Variants in ANKRD36 observed in about 807,000 individuals in gnomAD.
ANKRD36 encodes the protein ankyrin repeat domain 36, also known as ankyrin repeat domain-containing protein 36A.
A neutral mutation model predicts 278.1 loss-of-function variants in ANKRD36; 179 were observed. The observed-to-expected ratio is 0.64, with a 90% CI of 0.57 to 0.73. The LOEUF (loss-of-function observed/expected upper bound fraction) is 0.73. Among genes scored for constraint, ANKRD36 ranks in the 30% least tolerant of loss-of-function variants. The probability of loss-of-function intolerance (pLI) is 0.00; values close to 1 mark genes in which losing one functional copy is unlikely to be tolerated. For missense variants in ANKRD36, 1,159 were observed against 1,956.7 expected (o/e 0.59, Z 7.69); for synonymous variants, 320 against 641.1 (o/e 0.50, Z 7.57).
rs1425341795 is a variant in ANKRD36, at chr2:97,158,503, A to T, written c.1322-85A>T. 40 of 1,431,962 alleles carry T rather than the reference A, an allele frequency of 2.8e-5. 1 individual carries two copies. Among genetic ancestry groups the T allele is most frequent in the Non-Finnish European group, 3.8e-5 (40 of 1,060,254 alleles). The allele number at this position is 1,431,962 out of a possible 1,614,324, so 88.7% of individuals were successfully genotyped here. ...TGGCCCCCCAAACTGCTGGGATTAA[A>T]GCTGTGAGCCCCCACACCCGGTTCT... On this transcript the variant is annotated intron_variant, in intron 16 of 75. Coordinates refer to ENST00000420699, the MANE Select transcript of ANKRD36 (RefSeq NM_001354587.1).
chr2:97,216,410 T>A (rs2065938249), intron 62 of ANKRD36, among the ~76,000 whole-genome samples: 1 of 152,058 alleles, frequency 6.6e-6, no homozygotes, highest in African/African-American at 2.4e-5. Flanking sequence ...GATTTGTGAA[T>A]GTAAAACATA....
At chr2:97,144,154 G>A (rs377104528) in intron 8 of ANKRD36, among the ~76,000 whole-genome samples, 1 of 152,120 alleles carries the variant, frequency 6.6e-6, no homozygotes, top group East Asian at 1.9e-4. Context: ...AAACATGCAG[G>A]AGCATTAATC....
Position 97,170,699 on chromosome 2 carries a change from A to G in ANKRD36, c.1633+2932A>G, listed in dbSNP as rs1378528108. ...ATGGCAACAAAAGACAAAATTGACAAATGGGATCTAATTAAACTAAAGAGC... is the reference window on the plus strand; with the variant it reads ...ATGGCAACAAAAGACAAAATTGACAGATGGGATCTAATTAAACTAAAGAGC... On this transcript the variant is annotated intron_variant, in intron 22 of 75. Coordinates refer to ENST00000420699, the MANE Select transcript of ANKRD36 (RefSeq NM_001354587.1). Among the ~76,000 whole-genome samples, 7 of 151,944 alleles carry G rather than the reference A, an allele frequency of 4.6e-5. 1 individual carries two copies. In the East Asian group the frequency reaches 1.2e-3, roughly 25 times the overall value.
At chr2:97,142,871 C>A in intron 8 of ANKRD36, 36 bp downstream of exon 8, 1 of 1,494,842 alleles carries the variant, frequency 6.7e-7, no homozygotes, top group Non-Finnish European at 9.0e-7. Flanking sequence ...CATGTTCACT[C>A]AGGATAGAAG....
At chr2:97,138,380 G>A (rs1016616578) in intron 6 of ANKRD36, among the ~76,000 whole-genome samples, 1 of 151,950 alleles carries the variant, frequency 6.6e-6, no homozygotes, top group African/African-American at 2.4e-5. Context: ...CAACTCACAA[G>A]GGATTTGAAG....
rs758533489 is a variant in ANKRD36, at chr2:97,192,981, G to C, written c.2377G>C (p.Ala793Pro). The change falls in exon 38 of 76, where the codon GCT becomes CCT. Residue 793 changes from alanine (A) to proline (P), a missense_variant and splice_region_variant. Transcript: ENST00000420699. ...TTATTTCATTTGAAATTCCATTCAGGCTACAAGTGACGAGGAAGGTTCTGT... is the reference window on the plus strand; with the variant it reads ...TTATTTCATTTGAAATTCCATTCAGCCTACAAGTGACGAGGAAGGTTCTGT... ...VSSQKPPALT[A>P]TSDEEGSVLS... The C allele has an allele frequency of 6.3e-7, 1 of 1,583,250 alleles. No homozygotes were observed. The highest frequency in any genetic ancestry group is 8.6e-7 in the Non-Finnish European group (1 of 1,164,672).
In ANKRD36 at chr2:97,113,719, T is replaced by C. The variant is rs371922875; in HGVS notation, c.-21T>C. The C allele has an allele frequency of 3.1e-6, 5 of 1,611,492 alleles. No homozygotes were observed. The highest frequency in any genetic ancestry group is 4.2e-6 in the Non-Finnish European group (5 of 1,179,814). On this transcript the variant is annotated 5_prime_UTR_variant, in exon 1 of 76. Coordinates refer to ENST00000420699, the MANE Select transcript of ANKRD36 (RefSeq NM_001354587.1). ...GGCGAGCTGAAATACGGCTGCAGGC[T>C]ACAATTTGCAGCCGACGATTATGGA... is the stretch of plus-strand genomic sequence containing the variant.
chr2:97,124,894 C>T (rs1424512446), intron 5 of ANKRD36, among the ~76,000 whole-genome samples: 1 of 151,862 alleles, frequency 6.6e-6, no homozygotes, highest in Admixed American at 6.6e-5. Flanking sequence ...TCTAGTATAA[C>T]CCCTATGCAT....
chr2:97,209,879 T>C lies in ANKRD36; in HGVS notation c.3367+7T>C, dbSNP rs1036827651. 10 of 1,571,156 alleles carry C rather than the reference T, an allele frequency of 6.4e-6. No homozygotes were observed. The African/African-American group carries it at 8.2e-5, about 13-fold the overall frequency. On this transcript the variant is annotated splice_region_variant and intron_variant, in intron 56 of 75. Coordinates refer to ENST00000420699, the MANE Select transcript of ANKRD36 (RefSeq NM_001354587.1). ...GGAGAAAAATCTAGGACAGGTAATT[T>C]TGAAAACAGATTTAATGTCATGTTC...
At chr2:97,182,127 A>G (rs1361704289) in intron 26 of ANKRD36, among the ~76,000 whole-genome samples, 1 of 151,400 alleles carries the variant, frequency 6.6e-6, no homozygotes, top group Non-Finnish European at 1.5e-5. Context: ...GATTTTACAG[A>G]CATCACATCG....
chr2:97,113,360 G>A lies in ANKRD36; in HGVS notation c.-380G>A, dbSNP rs1041887764. 3.5e-6 allele frequency: 1 copy of A among 284,440 alleles called. No homozygotes were observed. Among genetic ancestry groups the A allele is most frequent in the Non-Finnish European group, 6.7e-6 (1 of 150,000 alleles). The allele number at this position is 284,440 out of a possible 1,614,324, so 17.6% of individuals were successfully genotyped here. On this transcript the variant is annotated 5_prime_UTR_variant, in exon 1 of 76. Coordinates refer to ENST00000420699, the MANE Select transcript of ANKRD36 (RefSeq NM_001354587.1). ...GGGCTGCAGAGGGCCCAGCGCGGGG[G>A]ACTCCGAGCGTCGGGAGCCTGTGGA...
intron 58 of ANKRD36, among the ~76,000 whole-genome samples, chr2:97,212,343 A>G (rs1328849510): frequency 2.0e-5 from 3 of 151,924 alleles, no homozygotes; most frequent in Non-Finnish European, 4.4e-5. Context: ...AGGAACTACT[A>G]GAAGCAGGAA....
intron 22 of ANKRD36, among the ~76,000 whole-genome samples, chr2:97,177,431 T>G (rs2054621270): frequency 6.6e-6 from 1 of 151,836 alleles, no homozygotes; most frequent in Non-Finnish European, 1.5e-5. Flanking sequence ...CAAACTATAC[T>G]ACAAGGCTAC....
intron 62 of ANKRD36, 34 bp from the exon 63 acceptor site, chr2:97,217,143 A>G: frequency 3.3e-6 from 5 of 1,536,096 alleles, no homozygotes; most frequent in Non-Finnish European, 4.4e-6. Flanking sequence ...TCATATTTAC[A>G]TATGATGAAT....
chr2:97,209,143 GAT>G (rs1306469481), intron 54 of ANKRD36, among the ~76,000 whole-genome samples: 22 of 146,616 alleles, frequency 1.5e-4, no homozygotes, highest in Admixed American at 1.5e-3. Context: ...TCAGCAAACA[GAT>G]ATCCAAGGTG....
At chr2:97,203,490 G>T (rs1246573535) in intron 48 of ANKRD36, among the ~76,000 whole-genome samples, 1 of 151,830 alleles carries the variant, frequency 6.6e-6, no homozygotes, top group Non-Finnish European at 1.5e-5. Flanking sequence ...CCATATGGGG[G>T]TGAGAGATAA....
intron 3 of ANKRD36, 187 bp downstream of exon 3, chr2:97,118,704 C>T (rs1344904514): frequency 2.4e-6 from 1 of 413,360 alleles, no homozygotes; most frequent in African/African-American, 2.7e-5. Context: ...TTATAGGGAA[C>T]AGCCTTTTTT....
At position 97,113,829 on chromosome 2, in the gene ANKRD36, G is replaced by C. The variant is rs765916841; in HGVS notation, c.90G>C (p.Pro30=). The C allele has an allele frequency of 9.3e-6, 15 of 1,613,006 alleles. No homozygotes were observed. The Middle Eastern group carries it at 9.9e-4, about 106-fold the overall frequency. ...CATTTCCCCAATACCCCATTAAACC[G>C]TATCATCTGAAGAGGATCCACAGAG... The part of the protein sequence containing the change: ...GFAFPQYPIK[P]YHLKRIHRAV... The change falls in exon 1 of 76, where the codon CCG becomes CCC. Residue 30 remains proline (P), a synonymous_variant. Transcript: ENST00000420699.
intron 14 of ANKRD36, among the ~76,000 whole-genome samples, chr2:97,153,132 ATAT>A (rs2046520464): frequency 6.6e-6 from 1 of 152,310 alleles, no homozygotes; most frequent in African/African-American, 2.4e-5. Context: ...GAATATCTAA[ATAT>A]AGTCCATGTT....
Sources: gnomAD v4.1 joint callset for allele counts (sites outside exome capture counted in the v4.1 genomes callset) on GRCh38, gnomAD v4.1.1 for gene constraint, MANE v1.5 for transcripts, NCBI Gene and HGNC (gene_info 2026-07-23, HGNC 2026-07-21) for gene names.